The following GPHN variants were observed in gnomAD, a reference collection of about 807,000 sequenced individuals.
GPHN encodes the protein gephyrin.
GPHN carries 17 observed loss-of-function variants against 95.5 expected under a neutral mutation model. The observed-to-expected ratio is 0.18, with a 90% CI of 0.12 to 0.27. GPHN has a LOEUF of 0.27. Among genes scored for constraint, GPHN ranks in the 10% least tolerant of loss-of-function variants. The pLI, the probability that GPHN is intolerant of heterozygous loss-of-function variation, is 1.00. For synonymous variants in GPHN, 320 were observed against 322.5 expected, an observed-to-expected ratio of 0.99 and a Z score of 0.08; for missense variants, 660 against 978.1, an observed-to-expected ratio of 0.67 and a Z score of 4.34.
intron 17 of GPHN, among the ~76,000 whole-genome samples, chr14:67,128,317 C>T (rs1245587977): frequency 2.0e-5 from 3 of 151,024 alleles, no homozygotes; most frequent in East Asian, 1.9e-4. Flanking sequence ...GGTGCAGTGG[C>T]GTGATCTCGG....
intron 4 of GPHN, among the ~76,000 whole-genome samples, chr14:66,850,405 T>A (rs929295185): frequency 1.3e-5 from 2 of 152,208 alleles, no homozygotes; most frequent in East Asian, 3.8e-4. Flanking sequence ...AGAGCTCAAC[T>A]TCCTCTTAAG....
At chr14:66,736,982 T>C (rs1279950701) in intron 2 of GPHN, among the ~76,000 whole-genome samples, 1 of 152,186 alleles carries the variant, frequency 6.6e-6, no homozygotes, top group Admixed American at 6.5e-5. Flanking sequence ...TACAGTCTTC[T>C]GAGTTTGTTT....
chr14:67,509,163 C>T, the GPHN span, among the ~76,000 whole-genome samples: 95 of 152,258 alleles, frequency 6.2e-4, no homozygotes, highest in African/African-American at 1.6e-3. Flanking sequence ...AAGCAGAAAG[C>T]GTGTTCCCTT....
chr14:67,320,235 GACA>G, the GPHN span: 2 of 1,604,450 alleles, frequency 1.2e-6, no homozygotes, highest in African/African-American at 2.7e-5. Context: ...CAAAGATTAT[GACA>G]ACGAGGAGAT....
At chr14:67,338,648 C>T in the GPHN span, 3 of 1,614,102 alleles carry the variant, frequency 1.9e-6, no homozygotes, top group East Asian at 2.2e-5. Flanking sequence ...CCTCGTCCTT[C>T]TCTTCAGCCA....
At chr14:66,573,674 C>T (rs2060789560) in intron 1 of GPHN, among the ~76,000 whole-genome samples, 1 of 152,058 alleles carries the variant, frequency 6.6e-6, no homozygotes, top group Admixed American at 6.5e-5. Context: ...CCAGGATGGT[C>T]TCGATATCTT....
chr14:67,678,414 A>G, the GPHN span: 4 of 1,612,286 alleles, frequency 2.5e-6, no homozygotes, highest in East Asian at 4.5e-5. Context: ...CCCATGCCAC[A>G]TGACAGTCAC....
At chr14:67,674,025 G>C in the GPHN span, among the ~76,000 whole-genome samples, 2 of 152,166 alleles carry the variant, frequency 1.3e-5, no homozygotes, top group African/African-American at 2.4e-5. Context: ...GACCTGTCTT[G>C]AGACTAGTGC....
chr14:66,666,597 ACT>A (rs150482839), intron 1 of GPHN, among the ~76,000 whole-genome samples: 2,022 of 152,018 alleles, frequency 0.013, 21 homozygotes, highest in Middle Eastern at 0.02. Context: ...TACTTGAAAA[ACT>A]CTGACCAAAC....
At chr14:67,247,220 T>C in the GPHN span, among the ~76,000 whole-genome samples, 9 of 152,368 alleles carry the variant, frequency 5.9e-5, no homozygotes, top group Admixed American at 5.2e-4. Context: ...TAGTTTTCAA[T>C]ATGCAGATCT....
chr14:66,734,933 G>T (rs2072121768), intron 2 of GPHN, among the ~76,000 whole-genome samples: 1 of 152,128 alleles, frequency 6.6e-6, no homozygotes, highest in Non-Finnish European at 1.5e-5. Flanking sequence ...ATTTAATACT[G>T]AAATTCACTA....
At chr14:67,715,381 A>C in the GPHN span, among the ~76,000 whole-genome samples, 1 of 152,244 alleles carries the variant, frequency 6.6e-6, no homozygotes, top group East Asian at 1.9e-4. Flanking sequence ...AGAAAATAGC[A>C]AAACATTTTG....
chr14:67,077,913 T>C (rs1360671710), intron 11 of GPHN, among the ~76,000 whole-genome samples: 1 of 152,174 alleles, frequency 6.6e-6, no homozygotes, highest in Non-Finnish European at 1.5e-5. Context: ...CACTTAATTG[T>C]ATATGTGGCC....
chr14:67,726,285 A>T, the GPHN span: 1 of 723,044 alleles, frequency 1.4e-6, no homozygotes, highest in Admixed American at 2.0e-5. Flanking sequence ...GACTAGACCC[A>T]TTGGCTTGTT....
chr14:67,235,156 C>CAAAA, the GPHN span, among the ~76,000 whole-genome samples: 1 of 144,076 alleles, frequency 6.9e-6, no homozygotes, highest in African/African-American at 2.5e-5. Context: ...AACTCCGTCT[C>CAAAA]AAAAAAAAAA....
At chr14:66,548,966 A>G (rs2059712453) in intron 1 of GPHN, among the ~76,000 whole-genome samples, 1 of 152,248 alleles carries the variant, frequency 6.6e-6, no homozygotes, top group Admixed American at 6.5e-5. Context: ...TACAAATGGT[A>G]GCATCTGTAT....
the GPHN span, among the ~76,000 whole-genome samples, chr14:67,635,791 G>A: frequency 1.3e-5 from 2 of 152,184 alleles, no homozygotes; most frequent in South Asian, 4.1e-4. Context: ...GGTGGAGGTT[G>A]CAGTGAGCCA....
the GPHN span, among the ~76,000 whole-genome samples, chr14:67,399,088 G>A: frequency 6.6e-6 from 1 of 152,192 alleles, no homozygotes; most frequent in South Asian, 2.1e-4. Context: ...AATATTACTA[G>A]TCAAAGGATG....
chr14:67,469,668 T>C, the GPHN span, among the ~76,000 whole-genome samples: 1 of 150,480 alleles, frequency 6.6e-6, no homozygotes, highest in Non-Finnish European at 1.5e-5. Flanking sequence ...GTGGTGGTGG[T>C]GGTGGGAGGA....
Sources: allele counts gnomAD v4.1 joint callset (sites outside exome capture counted in the v4.1 genomes callset), GRCh38; gene constraint gnomAD v4.1.1; transcripts MANE v1.5; gene names NCBI Gene and HGNC (gene_info 2026-07-23, HGNC 2026-07-21).